Variants in CNTNAP2 observed in about 807,000 individuals in gnomAD.
CNTNAP2 encodes contactin associated protein 2.
A neutral mutation model predicts 155.2 loss-of-function variants in CNTNAP2; 98 were observed. The ratio of observed to expected loss-of-function variants is 0.63; its 90% CI spans 0.54 to 0.75. The LOEUF (loss-of-function observed/expected upper bound fraction) is 0.75. CNTNAP2 is among the 30% of genes least tolerant of loss of function. The pLI is 0.00. For synonymous variants in CNTNAP2, 651 were observed against 631.2 expected, an observed-to-expected ratio of 1.03 and a Z score of -0.47; for missense variants, 1,727 against 1,688.1, an observed-to-expected ratio of 1.02 and a Z score of -0.40.
At chr7:147,301,590 C>CTGTGTG (rs1468341285) in intron 9 of CNTNAP2, among the ~76,000 whole-genome samples, 2 of 111,586 alleles carry the variant, frequency 1.8e-5, no homozygotes, top group Non-Finnish European at 3.4e-5. Flanking sequence ...CTCTCTCTCT[C>CTGTGTG]TCTGTGTGTG....
chr7:146,433,868 A>C (rs1485209167), intron 1 of CNTNAP2, among the ~76,000 whole-genome samples: 1 of 152,194 alleles, frequency 6.6e-6, no homozygotes, highest in Non-Finnish European at 1.5e-5. Flanking sequence ...GCCCAGTCTT[A>C]CAGGCATAAG....
chr7:146,351,081 A>G (rs1354745290), intron 1 of CNTNAP2, among the ~76,000 whole-genome samples: 1 of 150,970 alleles, frequency 6.6e-6, no homozygotes, highest in African/African-American at 2.4e-5. Flanking sequence ...CTAATGCTAA[A>G]TGATGAGTTA....
intron 1 of CNTNAP2, among the ~76,000 whole-genome samples, chr7:146,370,755 C>T (rs1275856790): frequency 6.6e-6 from 1 of 151,994 alleles, no homozygotes; most frequent in Non-Finnish European, 1.5e-5. Flanking sequence ...AAAGAACTCC[C>T]CATTATTTGT....
At chr7:147,060,399 T>A (rs906091820) in intron 4 of CNTNAP2, among the ~76,000 whole-genome samples, 1 of 152,142 alleles carries the variant, frequency 6.6e-6, no homozygotes, top group Non-Finnish European at 1.5e-5. Context: ...TTAATACAGA[T>A]CAATATCTCT....
chr7:146,601,904 T>C (rs1798956355), intron 1 of CNTNAP2, among the ~76,000 whole-genome samples: 1 of 151,626 alleles, frequency 6.6e-6, no homozygotes, highest in Admixed American at 6.6e-5. Context: ...CTAAATGAAC[T>C]AAAGTGGTAG....
chr7:147,721,205 T>C (rs1404737), intron 13 of CNTNAP2, among the ~76,000 whole-genome samples: 84,429 of 151,770 alleles, frequency 0.56, 25,489 homozygotes, highest in East Asian at 0.84. Flanking sequence ...TTGTTGTTGT[T>C]GTTATTGTTT....
rs142182435 is a variant in CNTNAP2 at position 147,424,937 on chromosome 7, T to G, written c.1670+29157T>G. ...TTTATACCCAGAATCCAGTCATTTATCTTCATCTCCATTGTATCCACTTCT... is the reference window on the plus strand; with the variant it reads ...TTTATACCCAGAATCCAGTCATTTAGCTTCATCTCCATTGTATCCACTTCT... On this transcript the variant is annotated intron_variant, in intron 10 of 23. Transcript: ENST00000361727. Among the ~76,000 whole-genome samples, 320 of 152,226 alleles carry G rather than the reference T, an allele frequency of 2.1e-3. 3 individuals are homozygous for G. Among genetic ancestry groups the G allele is most frequent in the African/African-American group, 7.2e-3 (298 of 41,550 alleles).
chr7:146,482,399 T>TTATATA (rs71763608), intron 1 of CNTNAP2, among the ~76,000 whole-genome samples: 18 of 147,228 alleles, frequency 1.2e-4, no homozygotes, highest in Admixed American at 8.2e-4. Flanking sequence ...TGTGTGTGTA[T>TTATATA]TATATATATA....
At chr7:146,723,073 G>T (rs1190680355) in intron 1 of CNTNAP2, among the ~76,000 whole-genome samples, 1 of 152,118 alleles carries the variant, frequency 6.6e-6, no homozygotes. Flanking sequence ...CCCTGTGAAT[G>T]TAAGGTTATT....
chr7:146,909,042 A>G (rs1398756226), intron 3 of CNTNAP2, among the ~76,000 whole-genome samples: 1 of 151,782 alleles, frequency 6.6e-6, no homozygotes, highest in Non-Finnish European at 1.5e-5. Flanking sequence ...CAAATAAACT[A>G]GAAAATCTAG....
chr7:146,384,602 G>T (rs1795434492), intron 1 of CNTNAP2, among the ~76,000 whole-genome samples: 1 of 152,030 alleles, frequency 6.6e-6, no homozygotes, highest in South Asian at 2.1e-4. Flanking sequence ...ATGTCTTTTT[G>T]AATCAAGTAT....
At chr7:147,634,040 G>A (rs1156949431) in intron 12 of CNTNAP2, among the ~76,000 whole-genome samples, 4 of 152,186 alleles carry the variant, frequency 2.6e-5, no homozygotes, top group African/African-American at 7.2e-5. Flanking sequence ...ATGGAAAACA[G>A]TATGGAGATT....
chr7:148,023,929 G>T (rs1221866902), intron 15 of CNTNAP2, among the ~76,000 whole-genome samples: 1 of 152,022 alleles, frequency 6.6e-6, no homozygotes, highest in African/African-American at 2.4e-5. Context: ...GTGAAGAAGG[G>T]AAAGGCCATA....
At chr7:146,779,577 C>A (rs1563227566) in intron 2 of CNTNAP2, among the ~76,000 whole-genome samples, 1 of 152,224 alleles carries the variant, frequency 6.6e-6, no homozygotes, top group Non-Finnish European at 1.5e-5. Context: ...CCCAGTCATG[C>A]AATCTCAGTA....
intron 14 of CNTNAP2, among the ~76,000 whole-genome samples, chr7:147,972,403 T>A (rs1344765156): frequency 6.6e-6 from 1 of 152,228 alleles, no homozygotes; most frequent in African/African-American, 2.4e-5. Flanking sequence ...AAACTGGGGA[T>A]GTTTATTTTT....
At chr7:147,452,771 T>A (rs1330317280) in intron 10 of CNTNAP2, among the ~76,000 whole-genome samples, 4 of 152,274 alleles carry the variant, frequency 2.6e-5, no homozygotes, top group African/African-American at 7.2e-5. Context: ...CCTAGCTTAC[T>A]GCCTGATATG....
intron 20 of CNTNAP2, among the ~76,000 whole-genome samples, chr7:148,232,868 A>G (rs767445690): frequency 1.6e-4 from 25 of 152,212 alleles, no homozygotes; most frequent in Non-Finnish European, 2.9e-4. Flanking sequence ...TTCCCTCAGC[A>G]CACACCCTGT....
intron 17 of CNTNAP2, among the ~76,000 whole-genome samples, chr7:148,170,268 T>C (rs1759482969): frequency 6.6e-6 from 1 of 152,358 alleles, no homozygotes; most frequent in East Asian, 1.9e-4. Context: ...ATTGTCTTAA[T>C]TGACTAGTGA....
At chr7:146,961,770 G>C (rs950622020) in intron 3 of CNTNAP2, among the ~76,000 whole-genome samples, 2 of 152,256 alleles carry the variant, frequency 1.3e-5, no homozygotes, top group South Asian at 4.1e-4. Context: ...ACACAGTCTT[G>C]AGGTGCTCAT....
Sources: allele counts gnomAD v4.1 joint callset (sites outside exome capture counted in the v4.1 genomes callset), GRCh38; gene constraint gnomAD v4.1.1; transcripts MANE v1.5; gene names NCBI Gene and HGNC (gene_info 2026-07-23, HGNC 2026-07-21).